PTCH2: variants seen among roughly 807,000 people sequenced by gnomAD.
PTCH2 encodes the protein patched 2, also known as protein patched homolog 2.
PTCH2 carries 96 observed loss-of-function variants against 117.9 expected under a neutral mutation model. That is an observed-to-expected ratio of 0.81 (90% confidence interval 0.69 to 0.96). The LOEUF is 0.96. Ranked by LOEUF, PTCH2 falls within the 50% of genes least tolerant of loss-of-function variation. The probability of loss-of-function intolerance (pLI) is 0.00; values close to 1 mark genes in which losing one functional copy is unlikely to be tolerated. For synonymous variants in PTCH2, 615 were observed against 660.9 expected, an observed-to-expected ratio of 0.93 and a Z score of 1.06; for missense variants, 1,379 against 1,562.5, an observed-to-expected ratio of 0.88 and a Z score of 1.98.
At position 44,828,996 on chromosome 1, in the gene PTCH2, C is replaced by T; in HGVS notation, c.1450G>A (p.Gly484Ser). The T allele has an allele frequency of 6.4e-7, 1 of 1,560,164 alleles. No individual in the cohort carries two copies. The highest frequency in any genetic ancestry group is 1.2e-5 in the South Asian group (1 of 84,926). ...LAHAFTEALP[G>S]TPLQERMGEC... ...CAAGGCCCCACCTGGAGAGGGGTGC[C>T]AGGCAGAGCCTCTGTGAAGGCATGC... The change falls in exon 11 of 22, where the codon GGC becomes AGC. Residue 484 changes from glycine to serine, a missense_variant. By Grantham distance (56) the Gly-to-Ser change is moderately conservative. Coordinates refer to ENST00000372192, the MANE Select transcript of PTCH2 (RefSeq NM_003738.5).
At position 44,828,680 on chromosome 1, in the gene PTCH2, G is replaced by A. The variant is rs187012265; in HGVS notation, c.1465-49C>T. On this transcript the variant is annotated intron_variant, in intron 11 of 21. Coordinates refer to ENST00000372192, the MANE Select transcript of PTCH2 (RefSeq NM_003738.5). ...GCCCTCAGGTCACAAGGGAGGGGCC[G>A]TGTCAAAGTGGAGTGAAGGGGAGGC... 8.9e-5 allele frequency: 141 copies of A among 1,590,738 alleles called. No homozygotes were observed. In the African/African-American group the frequency reaches 1.2e-3, roughly 14 times the overall value.
rs1348792349 is a variant in PTCH2, at chr1:44,829,747, T to C, written c.950A>G (p.Gln317Arg). The part of the protein sequence containing the change: ...QGELLRAEAL[Q>R]STFLLMSPRQ... ...GGGACTCATCAGCAAGAAGGTGCTC[T>C]GCAGGGCCTCTGCCCTGGTGGGGGT... Residue 317 changes from glutamine to arginine, a missense_variant, in exon 8 of 22, where the codon CAG (glutamine) becomes CGG (arginine). Physicochemically the swap from Gln to Arg is conservative, Grantham distance 43. Transcript: ENST00000372192. 6.2e-7 allele frequency: 1 copy of C among 1,614,106 alleles called. No individual in the cohort carries two copies. Among genetic ancestry groups the C allele is most frequent in the African/African-American group, 1.3e-5 (1 of 74,940 alleles).
rs1373181446 is a variant in PTCH2, at chr1:44,843,213, G to C, written c.-281C>G. 8.4e-7 allele frequency: 1 copy of C among 1,195,580 alleles called. No individual in the cohort carries two copies. Among genetic ancestry groups the C allele is most frequent in the Non-Finnish European group, 1.0e-6 (1 of 962,500 alleles). 74.1% of individuals were successfully genotyped at this position (1,195,580 alleles called of 1,614,324 possible). ...ATGGGTCCCGCGCGCAGGCGGAATT[G>C]CTGGCCCGAGACGCACAGCAGGGCT... On this transcript the variant is annotated 5_prime_UTR_variant, in exon 1 of 22. Transcript: ENST00000372192.
At chr1:44,819,990 C>T (rs560397178), downstream of PTCH2, 25 of 155,916 alleles carry the variant, frequency 1.6e-4, no homozygotes, top group Non-Finnish European at 2.6e-4. Flanking sequence ...GAAGAGAAAC[C>T]CGAGTATATT....
rs770833248 is a variant in PTCH2 at position 44,827,034 on chromosome 1, G to A, written c.2563C>T (p.Leu855Phe). The change falls in exon 17 of 22, where the codon CTC becomes TTC. Residue 855 changes from leucine to phenylalanine, a missense_variant. Transcript: ENST00000372192. ...VDREGLIPPE[L>F]FYMGLTVWVS... ...CACACGGTCAGCCCCATGTAGAAGA[G>A]CTCGGGTGGAATCAGTCCCTCTCTG... is the stretch of plus-strand genomic sequence containing the variant. 47 of 1,614,004 alleles carry A rather than the reference G, an allele frequency of 2.9e-5. No homozygotes were observed. Among genetic ancestry groups the A allele is most frequent in the Non-Finnish European group, 3.5e-5 (41 of 1,180,038 alleles).
intron 2 of PTCH2, among the ~76,000 whole-genome samples, chr1:44,841,225 A>T (rs2148886013): frequency 6.7e-6 from 1 of 149,248 alleles, no homozygotes; most frequent in East Asian, 2.1e-4. Context: ...CAAGAAAATC[A>T]TTCTTCTTTT....
rs1652930293 is a variant in PTCH2 at position 44,822,020 on chromosome 1, C to G, written c.*395G>C. ...CATGTATGTATACTACAAAAATAGA[C>G]ATTTTCATATAAATAATGGATGTGG... On this transcript the variant is annotated 3_prime_UTR_variant, in exon 22 of 22. Transcript: ENST00000372192. 2 of 1,313,920 alleles carry G rather than the reference C, an allele frequency of 1.5e-6. No homozygotes were observed. The highest frequency in any genetic ancestry group is 2.1e-4 in the Middle Eastern group (1 of 4,738). The allele number at this position is 1,313,920 out of a possible 1,614,324, so 81.4% of individuals were successfully genotyped here. A position where few individuals can be genotyped will look rare whatever the true frequency, so the allele number is the denominator to read the frequency against.
In PTCH2 at chr1:44,823,516, T is replaced by C. The variant is rs748585349; in HGVS notation, c.3115-131A>G. 1.8e-5 allele frequency: 23 copies of C among 1,261,192 alleles called. 1 individual carries two copies. Among genetic ancestry groups the C allele is most frequent in the Non-Finnish European group, 2.5e-5 (22 of 878,700 alleles). 78.1% of individuals were successfully genotyped at this position (1,261,192 alleles called of 1,614,324 possible). A position where few individuals can be genotyped will look rare whatever the true frequency, so the allele number is the denominator to read the frequency against. On this transcript the variant is annotated intron_variant, in intron 19 of 21. Transcript: ENST00000372192. This position sits in a 1 kb window ranked among gnomAD's most constrained non-coding sequence, Gnocchi z 5.1. The stretch of plus-strand genomic sequence containing the variant: ...CCAAAGGCTGGGTGAACTAAGTTCA[T>C]GGGAACTGTACAGGGAGCATGCGTG...
rs1471611868 is a variant in PTCH2, at chr1:44,830,597, AAAAAAAAG to A, written c.813+243_813+250del. ...TGACAGAGTGAGACTCAAAAAAAAA[AAAAAAAAG>A]AAGTCCAGCCTTATCTAGGCTTAGA... On this transcript the variant is annotated intron_variant, in intron 6 of 21. Transcript: ENST00000372192. Among the ~76,000 whole-genome samples the A allele has an allele frequency of 5.3e-5, 8 of 150,458 alleles. No homozygotes were observed. The East Asian group carries it at 9.7e-4, about 18-fold the overall frequency.
Position 44,831,820 on chromosome 1 carries a change from C to T in PTCH2, c.526-23G>A, listed in dbSNP as rs759953404. The T allele has an allele frequency of 3.1e-5, 50 of 1,608,590 alleles. No homozygotes were observed. Among genetic ancestry groups the T allele is most frequent in the South Asian group, 1.4e-4 (13 of 90,898 alleles). ...CATCTGCCAGGGATACCCCGGGCCA[C>T]GTCAGTCCTGCCCCACAACCTTTGT... On this transcript the variant is annotated intron_variant, in intron 4 of 21. Transcript: ENST00000372192. The surrounding 1 kb of genome is among the most constrained non-coding windows in gnomAD (Gnocchi z 4.3).
At chr1:44,837,371 A>G (rs1653734206) in intron 2 of PTCH2, among the ~76,000 whole-genome samples, 1 of 152,132 alleles carries the variant, frequency 6.6e-6, no homozygotes, top group African/African-American at 2.4e-5. Flanking sequence ...CTCCTGCCTC[A>G]GCCTCCGGAG....
At chr1:44,824,644 C>T (rs918323504) in intron 19 of PTCH2, among the ~76,000 whole-genome samples, 2 of 152,002 alleles carry the variant, frequency 1.3e-5, no homozygotes, top group Non-Finnish European at 2.9e-5. Context: ...ACTACAGGCA[C>T]GCACCACCAT....
rs1322251710 is a variant in PTCH2 at position 44,832,986 on chromosome 1, C to T, written c.266-645G>A. ...GGACAGTCATTCAGTGTGCTGCTCC[C>T]ACTCAGGCAGAAAGTGCATGGAATC... On this transcript the variant is annotated intron_variant, in intron 2 of 21. Transcript: ENST00000372192. 2.0e-5 allele frequency among the ~76,000 whole-genome samples: 3 copies of T among 152,158 alleles called. No individual in the cohort carries two copies. The South Asian group carries it at 6.2e-4, about 32-fold the overall frequency.
At chr1:44,830,088 C>T (rs897110898) in intron 6 of PTCH2, 58 bp from the exon 7 acceptor site, 107 of 1,600,700 alleles carry the variant, frequency 6.7e-5, no homozygotes, top group Non-Finnish European at 8.8e-5. Context: ...AACTGAGTGT[C>T]CCTGGGCTTC....
rs1653310491 is a variant in PTCH2 at position 44,829,206 on chromosome 1, A to G, written c.1322T>C (p.Leu441Pro). 1.9e-6 allele frequency: 3 copies of G among 1,613,452 alleles called. No individual in the cohort carries two copies. Among genetic ancestry groups the G allele is most frequent in the Non-Finnish European group, 2.5e-6 (3 of 1,180,024 alleles). Residue 441 changes from leucine to proline, a missense_variant, in exon 10 of 22, where the codon CTT becomes CCT. Physicochemically the swap from Leu to Pro is moderately conservative, Grantham distance 98. Transcript: ENST00000372192. Reference protein sequence around the residue: ...LLVALAVASGLGLCALLGITF... With the variant: ...LLVALAVASGPGLCALLGITF... Reference sequence around the variant, plus strand: ...GATGCCGAGCAGGGCACAGAGCCCAAGGCCTGAGGCCACCGCCAGGGCCAC... The same window carrying G: ...GATGCCGAGCAGGGCACAGAGCCCAGGGCCTGAGGCCACCGCCAGGGCCAC...
downstream of PTCH2, chr1:44,820,822 C>A: frequency 1.6e-6 from 1 of 644,784 alleles, no homozygotes; most frequent in Admixed American, 2.3e-5. Context: ...GGTGAGCTCT[C>A]TCTGCTCCAC....
At chr1:44,835,309 A>C (rs536455827) in intron 2 of PTCH2, among the ~76,000 whole-genome samples, 100 of 152,242 alleles carry the variant, frequency 6.6e-4, no homozygotes, top group Non-Finnish European at 1.4e-3. Flanking sequence ...CTCCCACCTC[A>C]GCCTCTGAAA....
At position 44,829,499 on chromosome 1, in the gene PTCH2, T is replaced by C. The variant is rs766626612; in HGVS notation, c.1118A>G (p.Gln373Arg). ...GGTGGAGGAGAAGGCATGGATCTGC[T>C]GGGAAGCGTTCTCAGGCAGGGCCTC... ...AQEALPENASQQIHAFSSTTL... is the reference protein window; with the variant it reads ...AQEALPENASRQIHAFSSTTL... The change falls in exon 9 of 22, where the codon CAG becomes CGG. Residue 373 changes from glutamine (Q) to arginine (R), a missense_variant. Coordinates refer to ENST00000372192, the MANE Select transcript of PTCH2 (RefSeq NM_003738.5). 2 of 1,614,196 alleles carry C rather than the reference T, an allele frequency of 1.2e-6. No homozygotes were observed. Among genetic ancestry groups the C allele is most frequent in the Non-Finnish European group, 1.7e-6 (2 of 1,180,032 alleles).
Position 44,823,050 on chromosome 1 carries a change from G to T in PTCH2, c.3357+19C>A. The T allele has an allele frequency of 1.2e-6, 2 of 1,608,184 alleles. No homozygotes were observed. The highest frequency in any genetic ancestry group is 1.7e-6 in the Non-Finnish European group (2 of 1,177,306). ...CCCTTGGGCTGGGAGTAGAGGGATG[G>T]TGCCGAGGGTGTGGTCACCTCTGGC... is the stretch of plus-strand genomic sequence containing the variant. On this transcript the variant is annotated intron_variant, in intron 21 of 21. Coordinates refer to ENST00000372192, the MANE Select transcript of PTCH2 (RefSeq NM_003738.5). This position sits in a 1 kb window ranked among gnomAD's most constrained non-coding sequence, Gnocchi z 5.1.
Sources: allele counts gnomAD v4.1 joint callset (sites outside exome capture counted in the v4.1 genomes callset), GRCh38; gene constraint gnomAD v4.1.1; non-coding constraint Gnocchi (gnomAD v3.1); transcripts MANE v1.5; gene names NCBI Gene and HGNC (gene_info 2026-07-23, HGNC 2026-07-21).